The following SS18L1 variants were observed in gnomAD, a reference collection of about 807,000 sequenced individuals.
The protein encoded by SS18L1 is SS18L1 subunit of BAF chromatin remodeling complex, also known as calcium-responsive transactivator.
In SS18L1, 32 loss-of-function variants were observed where a neutral mutation model predicts 70.3. The ratio of observed to expected loss-of-function variants is 0.46; its 90% CI spans 0.34 to 0.61. The LOEUF (loss-of-function observed/expected upper bound fraction) is 0.61, where lower values mean the gene tolerates loss of function less well. Among genes scored for constraint, SS18L1 ranks in the 20% least tolerant of loss-of-function variants. SS18L1 has a pLI of 0.01. For synonymous variants in SS18L1, 237 were observed against 229.7 expected, an observed-to-expected ratio of 1.03 and a Z score of -0.29; for missense variants, 430 against 542.1, an observed-to-expected ratio of 0.79 and a Z score of 2.05.
Position 62,172,717 on chromosome 20 carries a change from C to T in SS18L1, c.952C>T (p.Gln318Ter). Reference sequence around the variant, plus strand: ...GTACAGCCAGCAGCAGGCCGGGTACCAGCAGGGTGCCGCGCAGCAGCAGAC... The same window carrying T: ...GTACAGCCAGCAGCAGGCCGGGTACTAGCAGGGTGCCGCGCAGCAGCAGAC... ...SQYSQQQAGY[Q>*]QGAAQQQTYS... The change falls in exon 9 of 11, where the codon CAG (glutamine) becomes TAG (stop). Residue 318 changes from glutamine to a stop codon, truncating the protein, a stop_gained. Coordinates refer to ENST00000331758, the MANE Select transcript of SS18L1 (RefSeq NM_198935.3). LOFTEE classifies it high-confidence loss of function. 1 of 1,614,150 alleles carries T rather than the reference C, an allele frequency of 6.2e-7. No individual in the cohort carries two copies. Among genetic ancestry groups the T allele is most frequent in the East Asian group, 2.2e-5 (1 of 44,882 alleles).
At position 62,143,798 on chromosome 20, in the gene SS18L1, G is replaced by A; in HGVS notation, c.-23G>A. ...CCGGAGTATCCACCTCGATGACCAC[G>A]GGCTGAGCCCCGCGCCGCCACCATG... is the stretch of plus-strand genomic sequence containing the variant. On this transcript the variant is annotated 5_prime_UTR_variant, in exon 1 of 11. Transcript: ENST00000331758. 5.3e-6 allele frequency: 7 copies of A among 1,323,502 alleles called. No individual in the cohort carries two copies. Among genetic ancestry groups the A allele is most frequent in the Non-Finnish European group, 7.0e-6 (7 of 1,004,716 alleles). The allele number at this position is 1,323,502 out of a possible 1,614,324, so 82.0% of individuals were successfully genotyped here.
Position 62,179,238 on chromosome 20 carries a change from G to A in SS18L1, c.*30G>A. 1 of 1,614,084 alleles carries A rather than the reference G, an allele frequency of 6.2e-7. No individual in the cohort carries two copies. The highest frequency in any genetic ancestry group is 8.5e-7 in the Non-Finnish European group (1 of 1,179,952). On this transcript the variant is annotated 3_prime_UTR_variant, in exon 11 of 11. Coordinates refer to ENST00000331758, the MANE Select transcript of SS18L1 (RefSeq NM_198935.3). ...CACACATTCTGGCTGGAGCCCTTGT[G>A]GTAGCGTGTTCATCCAGGGGCCGGA...
At chr20:62,162,563 C>G (rs1458163868) in intron 4 of SS18L1, 189 bp from the exon 5 acceptor site, 4 of 603,764 alleles carry the variant, frequency 6.6e-6, no homozygotes, top group Non-Finnish European at 8.2e-6. Flanking sequence ...CTCGGCCTCC[C>G]AAAGTGCTGG....
intron 1 of SS18L1, among the ~76,000 whole-genome samples, chr20:62,157,840 C>T (rs965207656): frequency 1.3e-5 from 2 of 152,210 alleles, no homozygotes; most frequent in African/African-American, 2.4e-5. Context: ...TGCCCGGTTC[C>T]GCAGTCTCAC....
In SS18L1 at chr20:62,174,371, GT is replaced by G; in HGVS notation, c.1037-144del. 1 of 1,373,178 alleles carries G rather than the reference GT, an allele frequency of 7.3e-7. No homozygotes were observed. Among genetic ancestry groups the G allele is most frequent in the Non-Finnish European group, 9.7e-7 (1 of 1,030,418 alleles). The allele number at this position is 1,373,178 out of a possible 1,614,324, so 85.1% of individuals were successfully genotyped here. On this transcript the variant is annotated intron_variant, in intron 9 of 10. Transcript: ENST00000331758. This position sits in a 1 kb window ranked among gnomAD's most constrained non-coding sequence, Gnocchi z 4.1. Reference sequence around the variant, plus strand: ...GTGGAGCCACGTGCAGGTGCCAGGTGTTCTGGAGATTGACAAAAGGCTGATG... The same window carrying G: ...GTGGAGCCACGTGCAGGTGCCAGGTGTCTGGAGATTGACAAAAGGCTGATG...
chr20:62,146,228 C>T (rs977625473), intron 1 of SS18L1, among the ~76,000 whole-genome samples: 3 of 152,232 alleles, frequency 2.0e-5, no homozygotes, highest in African/African-American at 7.2e-5. Context: ...GCTCCGTCGG[C>T]AGTCATGTGG....
At position 62,174,859 on chromosome 20, in the gene SS18L1, G is replaced by A. The variant is rs2057593665; in HGVS notation, c.1164+215G>A. On this transcript the variant is annotated intron_variant, in intron 10 of 10. Transcript: ENST00000331758. This position sits in a 1 kb window ranked among gnomAD's most constrained non-coding sequence, Gnocchi z 4.1. Reference sequence around the variant, plus strand: ...ATCCAGCTGGCTTTTCATACCCTAAGCTCACCGTTAGATCTGCACGCCTGG... The same window carrying A: ...ATCCAGCTGGCTTTTCATACCCTAAACTCACCGTTAGATCTGCACGCCTGG... 3 of 1,439,792 alleles carry A rather than the reference G, an allele frequency of 2.1e-6. No individual in the cohort carries two copies. Among genetic ancestry groups the A allele is most frequent in the Admixed American group, 2.3e-5 (1 of 43,740 alleles). 89.2% of individuals were successfully genotyped at this position (1,439,792 alleles called of 1,614,324 possible).
intron 7 of SS18L1, 81 bp downstream of exon 7, chr20:62,164,327 G>C (rs947140994): frequency 7.9e-7 from 1 of 1,267,808 alleles, no homozygotes; most frequent in Non-Finnish European, 1.1e-6. Flanking sequence ...GGCAAGGAGG[G>C]TGTGGCCACT....
Position 62,182,183 on chromosome 20 carries a change from C to T in SS18L1, c.*2975C>T, listed in dbSNP as rs945604343. On this transcript the variant is annotated 3_prime_UTR_variant, in exon 11 of 11. Transcript: ENST00000331758. ...TAAGATCTGAAAAGAAACCTTAATA[C>T]GCTCATATGGTTGGAGTGTTAAGTG... 1.3e-5 allele frequency: 3 copies of T among 222,694 alleles called. No individual in the cohort carries two copies. The highest frequency in any genetic ancestry group is 5.7e-5 in the Admixed American group (1 of 17,420). 13.8% of individuals were successfully genotyped at this position (222,694 alleles called of 1,614,324 possible). A position where few individuals can be genotyped will look rare whatever the true frequency, so the allele number is the denominator to read the frequency against.
At chr20:62,164,076 G>A (rs985337829) in intron 6 of SS18L1, 69 bp from the exon 7 acceptor site, 1 of 1,441,350 alleles carries the variant, frequency 6.9e-7, no homozygotes, top group Non-Finnish European at 9.4e-7. Flanking sequence ...GGCTTCCCCA[G>A]TGAGCGAGCA....
intron 1 of SS18L1, among the ~76,000 whole-genome samples, chr20:62,152,842 C>G (rs1407958): frequency 0.81 from 123,035 of 151,820 alleles, 49,799 homozygotes; most frequent in Admixed American, 0.83. Context: ...GAATCGACAA[C>G]CTCCAGAGTG....
intron 5 of SS18L1, 67 bp downstream of exon 5, chr20:62,162,998 G>A (rs1004532533): frequency 1.2e-5 from 19 of 1,556,028 alleles, no homozygotes; most frequent in Admixed American, 3.8e-5. Flanking sequence ...ACACATGCAC[G>A]TTGGACATGT....
Position 62,175,252 on chromosome 20 carries a change from T to A in SS18L1, c.1164+608T>A, listed in dbSNP as rs1482696759. 4.1e-6 allele frequency: 4 copies of A among 985,164 alleles called. No homozygotes were observed. The East Asian group carries it at 4.5e-4, about 112-fold the overall frequency. The allele number at this position is 985,164 out of a possible 1,614,324, so 61.0% of individuals were successfully genotyped here. A position where few individuals can be genotyped will look rare whatever the true frequency, so the allele number is the denominator to read the frequency against. On this transcript the variant is annotated intron_variant, in intron 10 of 10. Transcript: ENST00000331758. ...GCTGAGGAAAGAGCAGCTTGGAAGA[T>A]GGAAGAGCGGGAGCTCTCGGGACAG...
At chr20:62,164,475 A>C (rs1415295057) in intron 7 of SS18L1, among the ~76,000 whole-genome samples, 1 of 152,240 alleles carries the variant, frequency 6.6e-6, no homozygotes, top group Admixed American at 6.5e-5. Flanking sequence ...GCTGTGGCAC[A>C]CACCGCTGCA....
chr20:62,175,202 G>A, intron 10 of SS18L1: 15 of 975,410 alleles, frequency 1.5e-5, no homozygotes, highest in Non-Finnish European at 1.8e-5. Context: ...TTCTGCCCAG[G>A]AACAGTGAGC....
Position 62,162,871 on chromosome 20 carries a change from G to A in SS18L1, c.496G>A (p.Gly166Arg). 1.2e-6 allele frequency: 2 copies of A among 1,612,830 alleles called. No homozygotes were observed. Among genetic ancestry groups the A allele is most frequent in the Non-Finnish European group, 1.7e-6 (2 of 1,179,928 alleles). ...GPASQGVPMQGQGTIGNYVSR... is the reference protein window; with the variant it reads ...GPASQGVPMQRQGTIGNYVSR... ...CGCCTCGCAGGGCGTCCCCATGCAGGGGCAAGGCACCATCGGCAACTACGT... is the reference window on the plus strand; with the variant it reads ...CGCCTCGCAGGGCGTCCCCATGCAGAGGCAAGGCACCATCGGCAACTACGT... Residue 166 changes from glycine (G) to arginine (R), a missense_variant, in exon 5 of 11, where the codon GGG becomes AGG. Gly to Arg is a moderately radical substitution (Grantham distance 125). Transcript: ENST00000331758.
chr20:62,174,735 G>C lies in SS18L1; in HGVS notation c.1164+91G>C. 6.2e-7 allele frequency: 1 copy of C among 1,609,742 alleles called. No individual in the cohort carries two copies. Among genetic ancestry groups the C allele is most frequent in the South Asian group, 1.1e-5 (1 of 90,268 alleles). Reference sequence around the variant, plus strand: ...CTCTTATGGCCATGAGGAATAATGAGCTGGAACTAACTGGCTTCCAGGGTT... The same window carrying C: ...CTCTTATGGCCATGAGGAATAATGACCTGGAACTAACTGGCTTCCAGGGTT... On this transcript the variant is annotated intron_variant, in intron 10 of 10. Coordinates refer to ENST00000331758, the MANE Select transcript of SS18L1 (RefSeq NM_198935.3). This position sits in a 1 kb window ranked among gnomAD's most constrained non-coding sequence, Gnocchi z 4.1.
At chr20:62,164,656 C>T (rs577817059) in intron 7 of SS18L1, among the ~76,000 whole-genome samples, 1 of 152,360 alleles carries the variant, frequency 6.6e-6, no homozygotes, top group South Asian at 2.1e-4. Context: ...TCCTCCTGCA[C>T]CTTCTCATCT....
rs1340402064 is a variant in SS18L1, at chr20:62,158,903, A to G, written c.146+155A>G. On this transcript the variant is annotated intron_variant, in intron 2 of 10. Transcript: ENST00000331758. The surrounding 1 kb of genome is among the most constrained non-coding windows in gnomAD (Gnocchi z 4.5). Reference sequence around the variant, plus strand: ...CAGATATGTCCCAGGAGTCCCCTGCACAGAGGCCAGATATGTCCCAGGAGT... The same window carrying G: ...CAGATATGTCCCAGGAGTCCCCTGCGCAGAGGCCAGATATGTCCCAGGAGT... The G allele has an allele frequency of 1.3e-6, 2 of 1,596,374 alleles. No homozygotes were observed. Among genetic ancestry groups the G allele is most frequent in the African/African-American group, 1.3e-5 (1 of 74,082 alleles).
Sources: gnomAD v4.1 joint callset for allele counts (sites outside exome capture counted in the v4.1 genomes callset) on GRCh38, gnomAD v4.1.1 for gene constraint, Gnocchi (gnomAD v3.1) non-coding constraint, MANE v1.5 for transcripts, NCBI Gene and HGNC (gene_info 2026-07-23, HGNC 2026-07-21) for gene names.